Variants in DAPK2 observed in about 807,000 individuals in gnomAD.
The protein encoded by DAPK2 is death-associated protein kinase 2.
DAPK2 carries 35 observed loss-of-function variants against 44.1 expected under a neutral mutation model. That is an observed-to-expected ratio of 0.79 (90% CI 0.61 to 1.05). The LOEUF is 1.05. Ranked by LOEUF, DAPK2 falls within the 50% of genes least tolerant of loss-of-function variation. The pLI, the probability that DAPK2 is intolerant of heterozygous loss-of-function variation, is 0.00. For synonymous variants in DAPK2, 174 were observed against 182.6 expected (o/e 0.95, Z 0.38); for missense variants, 453 against 483.2 (o/e 0.94, Z 0.59).
rs907469723 is a variant in DAPK2 at position 63,912,283 on chromosome 15, A to G, written c.859-86T>C. ...CGCCGCAGAACTCCCCACCCACCGC[A>G]TGCCCACCGCCCTTGGCTTGACCCT... On this transcript the variant is annotated intron_variant, in intron 8 of 10. Transcript: ENST00000261891. This position sits in a 1 kb window ranked among gnomAD's most constrained non-coding sequence, Gnocchi z 4.4. 41 of 1,360,106 alleles carry G rather than the reference A, an allele frequency of 3.0e-5. No homozygotes were observed. Among genetic ancestry groups the G allele is most frequent in the Admixed American group, 1.2e-4 (7 of 56,646 alleles). The allele number at this position is 1,360,106 out of a possible 1,614,324, so 84.3% of individuals were successfully genotyped here.
intron 3 of DAPK2, among the ~76,000 whole-genome samples, chr15:63,947,749 A>G (rs1260079881): frequency 6.6e-6 from 1 of 152,202 alleles, no homozygotes; most frequent in Non-Finnish European, 1.5e-5. Flanking sequence ...TCCTTCCCAG[A>G]ATGAGAATCT....
intron 5 of DAPK2, 45 bp downstream of exon 6, chr15:63,930,362 C>T (rs1428270968): frequency 1.9e-6 from 3 of 1,594,712 alleles, no homozygotes; most frequent in African/African-American, 2.7e-5. Flanking sequence ...GGCCTTCCGC[C>T]CTTGGAAGGA....
At chr15:64,024,695 C>G (rs1054366229) in intron 1 of DAPK2, among the ~76,000 whole-genome samples, 3 of 152,176 alleles carry the variant, frequency 2.0e-5, no homozygotes, top group African/African-American at 7.2e-5. Context: ...TGCCCTTCTC[C>G]CCTCTGCCCA....
rs146280975 is a variant in DAPK2, at chr15:64,012,982, T to C, written c.92+27188A>G. The stretch of plus-strand genomic sequence containing the variant: ...CTACAACATAAATAGGGAAATGGGA[T>C]ATAAATTGTATCTTCGATATGATCA... On this transcript the variant is annotated intron_variant, in intron 1 of 10. Transcript: ENST00000261891. 5.9e-5 allele frequency among the ~76,000 whole-genome samples: 9 copies of C among 152,312 alleles called. 1 individual carries two copies. The East Asian group carries it at 1.2e-3, about 20-fold the overall frequency.
intron 6 of DAPK2, 34 bp downstream of exon 7, chr15:63,929,517 G>C (rs376977011): frequency 6.2e-6 from 10 of 1,613,580 alleles, no homozygotes; most frequent in Non-Finnish European, 8.5e-6. Context: ...CCAGATCTAA[G>C]CTGAGCCAGA....
At chr15:63,913,400 T>C (rs1223600060) in intron 8 of DAPK2, among the ~76,000 whole-genome samples, 1 of 152,210 alleles carries the variant, frequency 6.6e-6, no homozygotes, top group Non-Finnish European at 1.5e-5. Context: ...TGTACAGACA[T>C]GCATTTCTTT....
At chr15:63,951,591 C>T (rs1482144116) in intron 3 of DAPK2, among the ~76,000 whole-genome samples, 1 of 152,188 alleles carries the variant, frequency 6.6e-6, no homozygotes, top group Non-Finnish European at 1.5e-5. Flanking sequence ...TAATTGGTTA[C>T]CTTTTATTTC....
rs547918426 is a variant in DAPK2 at position 63,922,951 on chromosome 15, G to C, written c.858+1865C>G. 77 of 1,535,854 alleles carry C rather than the reference G, an allele frequency of 5.0e-5. No individual in the cohort carries two copies. In the African/African-American group the frequency reaches 1.0e-3, roughly 20 times the overall value. ...GGGCTTGCAGATGGTCCAGTTTCCTGGCCATGCTTCCGAGGCTACATCCCG... is the reference window on the plus strand; with the variant it reads ...GGGCTTGCAGATGGTCCAGTTTCCTCGCCATGCTTCCGAGGCTACATCCCG... On this transcript the variant is annotated intron_variant, in intron 8 of 10. Coordinates refer to ENST00000261891, the Ensembl canonical transcript of DAPK2.
chr15:63,996,548 C>T (rs2078953541), intron 1 of DAPK2, among the ~76,000 whole-genome samples: 3 of 152,206 alleles, frequency 2.0e-5, no homozygotes, highest in South Asian at 4.1e-4. Context: ...TTTGATCTTC[C>T]ACTTTTATGT....
chr15:63,922,594 C>G, intron 8 of DAPK2: 1 of 1,419,034 alleles, frequency 7.0e-7, no homozygotes, highest in Admixed American at 2.9e-5. Flanking sequence ...CTCAGCAATT[C>G]TGGATTCTGT....
chr15:63,910,716 T>G (rs1364704095), intron 10 of DAPK2: 2 of 152,074 alleles, frequency 1.3e-5, no homozygotes, highest in African/African-American at 4.8e-5. Context: ...AATTTTTTTG[T>G]TTGTTTGTTT....
intron 2 of DAPK2, among the ~76,000 whole-genome samples, chr15:63,979,284 C>G (rs1466008322): frequency 2.0e-5 from 3 of 152,212 alleles, no homozygotes; most frequent in Non-Finnish European, 2.9e-5. Context: ...CCCAGTCCTG[C>G]CTTCAAGAGT....
intron 3 of DAPK2, among the ~76,000 whole-genome samples, chr15:63,968,634 C>G (rs914106110): frequency 1.3e-5 from 2 of 152,236 alleles, no homozygotes; most frequent in Non-Finnish European, 2.9e-5. Flanking sequence ...AGCACCTATT[C>G]CATATCTGGC....
rs557018312 is a variant in DAPK2 at position 63,908,278 on chromosome 15, G to A, written c.*242C>T. 2.7e-5 allele frequency: 10 copies of A among 369,202 alleles called. No individual in the cohort carries two copies. In the East Asian group the frequency reaches 4.2e-4, roughly 15 times the overall value. 22.9% of individuals were successfully genotyped at this position (369,202 alleles called of 1,614,324 possible). A position where few individuals can be genotyped will look rare whatever the true frequency, so the allele number is the denominator to read the frequency against. ...CAGACTCTGAGGATGGCAGACAGAGGAAAGCCCATTTTATGGAGAATTAAG... is the reference window on the plus strand; with the variant it reads ...CAGACTCTGAGGATGGCAGACAGAGAAAAGCCCATTTTATGGAGAATTAAG... On this transcript the variant is annotated 3_prime_UTR_variant, in exon 11 of 11. Transcript: ENST00000261891. The surrounding 1 kb of genome is among the most constrained non-coding windows in gnomAD (Gnocchi z 5.7).
chr15:64,036,273 A>ATGTG (rs1214937871), intron 1 of DAPK2, among the ~76,000 whole-genome samples: 88 of 44,010 alleles, frequency 2.0e-3, no homozygotes, highest in African/African-American at 4.5e-3. Context: ...ATATATATAT[A>ATGTG]TGTGTGTGTG....
chr15:63,990,662 C>G lies in DAPK2; in HGVS notation c.93-6908G>C, dbSNP rs2078793861. ...AGCAGAGGGTCGCGGAGACTGGCTT[C>G]CTCCTCCTGCTTCCCCACCGCAGAC... On this transcript the variant is annotated intron_variant, in intron 1 of 10. Transcript: ENST00000261891. This position sits in a 1 kb window ranked among gnomAD's most constrained non-coding sequence, Gnocchi z 4.3. Among the ~76,000 whole-genome samples the G allele has an allele frequency of 6.6e-6, 1 of 152,156 alleles. No homozygotes were observed. Among genetic ancestry groups the G allele is most frequent in the Non-Finnish European group, 1.5e-5 (1 of 68,008 alleles).
intron 2 of DAPK2, 105 bp downstream of exon 3, chr15:63,983,428 T>C: frequency 9.8e-7 from 1 of 1,016,016 alleles, no homozygotes; most frequent in Non-Finnish European, 1.5e-6. Context: ...TGGGCTGAGC[T>C]TAGGCCTGGT....
chr15:63,965,544 G>T (rs1275519732), intron 3 of DAPK2, among the ~76,000 whole-genome samples: 3 of 152,236 alleles, frequency 2.0e-5, no homozygotes, highest in African/African-American at 7.2e-5. Flanking sequence ...CCTCAGGGTG[G>T]TGAGCTTCCC....
At chr15:63,933,701 C>T (rs186446448) in intron 4 of DAPK2, among the ~76,000 whole-genome samples, 9 of 149,556 alleles carry the variant, frequency 6.0e-5, no homozygotes, top group East Asian at 2.0e-4. Context: ...TAGGGTTAAG[C>T]GATCCTCTCA....
Sources: gnomAD v4.1 joint callset for allele counts (sites outside exome capture counted in the v4.1 genomes callset) on GRCh38, gnomAD v4.1.1 for gene constraint, Gnocchi (gnomAD v3.1) non-coding constraint, MANE v1.5 for transcripts, NCBI Gene and HGNC (gene_info 2026-07-23, HGNC 2026-07-21) for gene names.